The following CRPPA variants were observed in gnomAD, a reference collection of about 807,000 sequenced individuals.
CRPPA encodes CDP-L-ribitol pyrophosphorylase A, also known as D-ribitol-5-phosphate cytidylyltransferase.
CRPPA carries 43 observed loss-of-function variants against 52.0 expected under a neutral mutation model. The ratio of observed to expected loss-of-function variants is 0.83; its 90% CI spans 0.65 to 1.07. The LOEUF (loss-of-function observed/expected upper bound fraction) is 1.07. Among genes scored for constraint, CRPPA ranks in the 50% least tolerant of loss-of-function variants. The pLI is 0.00. For synonymous variants in CRPPA, 250 were observed against 203.5 expected, an observed-to-expected ratio of 1.23 and a Z score of -1.94; for missense variants, 629 against 551.7, an observed-to-expected ratio of 1.14 and a Z score of -1.40.
intron 3 of CRPPA, among the ~76,000 whole-genome samples, chr7:16,354,581 G>C (rs1786248261): frequency 6.6e-6 from 1 of 152,150 alleles, no homozygotes; most frequent in African/African-American, 2.4e-5. Context: ...AGAAACTTGA[G>C]ATTACTTTAG....
At chr7:16,393,031 G>C (rs968086729) in intron 2 of CRPPA, among the ~76,000 whole-genome samples, 3 of 152,154 alleles carry the variant, frequency 2.0e-5, no homozygotes, top group African/African-American at 7.2e-5. Context: ...TCTTGTCAAG[G>C]ATCTTAAAGT....
rs950989401 is a variant in CRPPA at position 16,089,312 on chromosome 7, A to G, written c.*2383T>C. ...CGTACGTATATACATATATGTGTGT[A>G]TGCGTACGTATATAAATATATGTGT... On this transcript the variant is annotated 3_prime_UTR_variant, in exon 10 of 10. Transcript: ENST00000407010. 1.5e-5 allele frequency: 6 copies of G among 399,146 alleles called. No homozygotes were observed. The highest frequency in any genetic ancestry group is 1.6e-5 in the Non-Finnish European group (3 of 190,682). 24.7% of individuals were successfully genotyped at this position (399,146 alleles called of 1,614,324 possible).
chr7:16,275,841 A>T (rs936841208), intron 6 of CRPPA, among the ~76,000 whole-genome samples: 48 of 151,888 alleles, frequency 3.2e-4, no homozygotes, highest in East Asian at 1.2e-3. Flanking sequence ...ACAAACAAAA[A>T]ATATATATAT....
In CRPPA at chr7:16,382,294, T is replaced by G. The variant is rs1050290118; in HGVS notation, c.535-6053A>C. On this transcript the variant is annotated intron_variant, in intron 2 of 9. Transcript: ENST00000407010. ...ATGAAATTCTGGGTTGAAAATTCTT[T>G]TCTTTAAGAATGTTGAATATTGGCC... is the stretch of plus-strand genomic sequence containing the variant. Among the ~76,000 whole-genome samples, 79 of 152,334 alleles carry G rather than the reference T, an allele frequency of 5.2e-4. 1 individual carries two copies. Among genetic ancestry groups the G allele is most frequent in the South Asian group, 1.9e-3 (9 of 4,828 alleles).
chr7:16,415,128 G>A (rs1293734199), intron 1 of CRPPA, among the ~76,000 whole-genome samples: 1 of 152,206 alleles, frequency 6.6e-6, no homozygotes, highest in African/African-American at 2.4e-5. Flanking sequence ...AATCTGATAA[G>A]TAGTTTTCTA....
rs6969986 is a variant in CRPPA at position 16,163,005 on chromosome 7, G to T, written c.1251+53061C>A. Among the ~76,000 whole-genome samples the T allele has an allele frequency of 7.0e-3, 849 of 121,008 alleles. 12 individuals are homozygous for T. The highest frequency in any genetic ancestry group is 0.025 in the African/African-American group (807 of 31,654). The allele number at this position is 121,008 out of a possible 152,430, so 79.4% of individuals were successfully genotyped here. On this transcript the variant is annotated intron_variant, in intron 9 of 9. Transcript: ENST00000407010. The stretch of plus-strand genomic sequence containing the variant: ...TTTTTTTTTTTTGAGACGGAGTCTC[G>T]CTCTGTTGCCCAGGCTGGAGTGCAG...
chr7:16,258,472 G>A lies in CRPPA; in HGVS notation c.1037C>T (p.Ser346Phe). Residue 346 changes from serine (S) to phenylalanine (F), a missense_variant, in exon 8 of 10, where the codon TCT becomes TTT. Transcript: ENST00000407010. ...TAACTTCTGGGTTTCTTGAAAATCA[G>A]AGGTTGTAACCTAAAAGACCAGAAA... Reference protein sequence around the residue: ...YNFVCVNVTTSDFQETQKLLS... With the variant: ...YNFVCVNVTTFDFQETQKLLS... The A allele has an allele frequency of 6.3e-7, 1 of 1,599,052 alleles. No individual in the cohort carries two copies. Among genetic ancestry groups the A allele is most frequent in the African/African-American group, 1.3e-5 (1 of 74,484 alleles).
intron 3 of CRPPA, among the ~76,000 whole-genome samples, chr7:16,372,533 A>G (rs185896286): frequency 3.8e-4 from 58 of 152,330 alleles, no homozygotes; most frequent in African/African-American, 1.3e-3. Flanking sequence ...GCACTACAAG[A>G]AATGCTAAAA....
At chr7:16,298,979 C>T (rs1006630899) in intron 5 of CRPPA, among the ~76,000 whole-genome samples, 24 of 152,208 alleles carry the variant, frequency 1.6e-4, no homozygotes, top group African/African-American at 5.8e-4. Flanking sequence ...CTTTCCTGGG[C>T]CTCCAGCTTA....
At chr7:16,399,310 C>T (rs1284193136) in intron 2 of CRPPA, among the ~76,000 whole-genome samples, 1 of 151,576 alleles carries the variant, frequency 6.6e-6, no homozygotes, top group East Asian at 1.9e-4. Context: ...ACACGTGTGA[C>T]ACGTGACCAA....
Position 16,215,974 on chromosome 7 carries a change from T to A in CRPPA, c.1251+92A>T, listed in dbSNP as rs113157888. The A allele has an allele frequency of 1.7e-4, 171 of 997,392 alleles. 1 individual carries two copies. The African/African-American group carries it at 2.4e-3, about 14-fold the overall frequency. The allele number at this position is 997,392 out of a possible 1,614,324, so 61.8% of individuals were successfully genotyped here. On this transcript the variant is annotated intron_variant, in intron 9 of 9. Coordinates refer to ENST00000407010, the MANE Select transcript of CRPPA (RefSeq NM_001101426.4). ...AACTTTCCAGCTGTAATTTCACTTA[T>A]CAATAATATCCTCCTGCTTTTAACA...
intron 6 of CRPPA, among the ~76,000 whole-genome samples, chr7:16,267,061 G>A (rs1362744737): frequency 6.6e-6 from 1 of 152,140 alleles, no homozygotes; most frequent in African/African-American, 2.4e-5. Flanking sequence ...TGCAAGCTGA[G>A]AACTGGCAAG....
Position 16,258,463 on chromosome 7 carries a change from T to G in CRPPA, c.1046A>C (p.Gln349Pro). 1 of 1,601,898 alleles carries G rather than the reference T, an allele frequency of 6.2e-7. No homozygotes were observed. The highest frequency in any genetic ancestry group is 1.1e-5 in the South Asian group (1 of 89,076). Residue 349 changes from glutamine (Q) to proline (P), a missense_variant, in exon 8 of 10, where the codon CAA becomes CCA. Gln to Pro is a moderately conservative substitution (Grantham distance 76). Coordinates refer to ENST00000407010, the MANE Select transcript of CRPPA (RefSeq NM_001101426.4). The part of the protein sequence containing the change: ...VCVNVTTSDF[Q>P]ETQKLLSMLE... ...CATGCTCAGTAACTTCTGGGTTTCT[T>G]GAAAATCAGAGGTTGTAACCTAAAA... is the stretch of plus-strand genomic sequence containing the variant.
At chr7:16,253,623 G>T (rs887912955) in intron 8 of CRPPA, among the ~76,000 whole-genome samples, 4 of 151,880 alleles carry the variant, frequency 2.6e-5, no homozygotes, top group Admixed American at 1.3e-4. Flanking sequence ...TATTAGGTCC[G>T]CTTGGTGCAG....
intron 2 of CRPPA, among the ~76,000 whole-genome samples, chr7:16,378,908 T>C (rs1786990329): frequency 6.6e-6 from 1 of 152,198 alleles, no homozygotes; most frequent in Admixed American, 6.5e-5. Flanking sequence ...ATAAACGTCT[T>C]CTTTTGAGAA....
At chr7:16,329,164 G>A (rs1785489357) in intron 3 of CRPPA, among the ~76,000 whole-genome samples, 2 of 152,180 alleles carry the variant, frequency 1.3e-5, no homozygotes, top group Non-Finnish European at 2.9e-5. Context: ...TTATATCCAA[G>A]AGGCAAGTCG....
intron 8 of CRPPA, among the ~76,000 whole-genome samples, chr7:16,223,520 G>C (rs894380970): frequency 6.6e-6 from 1 of 152,102 alleles, no homozygotes; most frequent in Admixed American, 6.6e-5. Flanking sequence ...ATGCAAAGGC[G>C]TGATGATGAC....
At chr7:16,118,504 T>C (rs568446451) in intron 9 of CRPPA, among the ~76,000 whole-genome samples, 1 of 152,168 alleles carries the variant, frequency 6.6e-6, no homozygotes, top group Non-Finnish European at 1.5e-5. Flanking sequence ...CTTTGACTGC[T>C]TGTCTTTAAA....
intron 9 of CRPPA, among the ~76,000 whole-genome samples, chr7:16,175,576 C>A (rs1169449670): frequency 6.6e-6 from 1 of 152,110 alleles, no homozygotes; most frequent in Non-Finnish European, 1.5e-5. Context: ...ACTGTGAGAA[C>A]AATTTGTTTC....
Sources: allele counts gnomAD v4.1 joint callset (sites outside exome capture counted in the v4.1 genomes callset), GRCh38; gene constraint gnomAD v4.1.1; transcripts MANE v1.5; gene names NCBI Gene and HGNC (gene_info 2026-07-23, HGNC 2026-07-21).